Variants in TAMM41 observed in about 807,000 individuals in gnomAD.
TAMM41 encodes phosphatidate cytidylyltransferase, mitochondrial.
A neutral mutation model predicts 44.1 loss-of-function variants in TAMM41; 36 were observed. The observed-to-expected ratio is 0.82, with a 90% CI of 0.63 to 1.08. The LOEUF (loss-of-function observed/expected upper bound fraction) is 1.08, where lower values mean the gene tolerates loss of function less well. TAMM41 is among the 50% of genes least tolerant of loss of function. The pLI, the probability that TAMM41 is intolerant of heterozygous loss-of-function variation, is 0.00. For synonymous variants in TAMM41, 164 were observed against 153.1 expected (o/e 1.07, Z -0.53); for missense variants, 417 against 404.3 (o/e 1.03, Z -0.27).
chr3:11,808,509 A>G, intron 6 of TAMM41: 5 of 985,880 alleles, frequency 5.1e-6, no homozygotes, highest in Non-Finnish European at 6.0e-6. Flanking sequence ...CAGCTCATCC[A>G]CTGCAGTGCG....
In TAMM41 at chr3:11,805,124, C is replaced by T. The variant is rs150172511; in HGVS notation, c.937+2709G>A. On this transcript the variant is annotated intron_variant, in intron 7 of 7. Transcript: ENST00000455809. ...GTTCAAGCAATTCTCCTGCCTCAGC[C>T]GCTCAAAGGTGGGACTACAGGCATG... Among the ~76,000 whole-genome samples, 1,383 of 151,258 alleles carry T rather than the reference C, an allele frequency of 9.1e-3. 28 individuals carry two copies. Among genetic ancestry groups the T allele is most frequent in the African/African-American group, 0.032 (1,331 of 41,244 alleles).
the TAMM41 span, among the ~76,000 whole-genome samples, chr3:11,724,452 C>T: frequency 6.7e-6 from 1 of 149,704 alleles, no homozygotes; most frequent in South Asian, 2.1e-4. Context: ...GTCTCGCTCT[C>T]TCACCCAGGC....
chr3:11,740,754 C>A, the TAMM41 span, among the ~76,000 whole-genome samples: 2 of 151,642 alleles, frequency 1.3e-5, no homozygotes, highest in African/African-American at 2.4e-5. Flanking sequence ...TTAGTAGAGA[C>A]AGGGTTGCAC....
At chr3:11,738,183 A>T in the TAMM41 span, among the ~76,000 whole-genome samples, 2 of 152,230 alleles carry the variant, frequency 1.3e-5, no homozygotes, top group Non-Finnish European at 2.9e-5. Flanking sequence ...AAAACCATAA[A>T]TTCCTAAGAG....
chr3:11,830,371 G>T (rs2078933137), intron 3 of TAMM41, among the ~76,000 whole-genome samples: 1 of 152,144 alleles, frequency 6.6e-6, no homozygotes, highest in Admixed American at 6.6e-5. Context: ...AAAAAGAACG[G>T]GTTTTAGAGA....
the TAMM41 span, among the ~76,000 whole-genome samples, chr3:11,725,403 C>CTCTTCTTCTTCT: frequency 7.7e-6 from 1 of 129,458 alleles, no homozygotes; most frequent in African/African-American, 3.1e-5. Flanking sequence ...TTTCTTCTTC[C>CTCTTCTTCTTCT]TCTTCTTCTT....
chr3:11,724,898 A>G, the TAMM41 span: 1 of 152,170 alleles, frequency 6.6e-6, no homozygotes, highest in African/African-American at 2.4e-5. Flanking sequence ...GTTCTTTCTC[A>G]TCTCTCTGCC....
intron 7 of TAMM41, among the ~76,000 whole-genome samples, chr3:11,793,791 G>C (rs1032644610): frequency 3.9e-5 from 6 of 152,154 alleles, no homozygotes; most frequent in African/African-American, 1.4e-4. Flanking sequence ...AGTCAGGCTG[G>C]AGCTTACTCT....
At chr3:11,781,776 A>AATC in the TAMM41 span, among the ~76,000 whole-genome samples, 1 of 39,620 alleles carries the variant, frequency 2.5e-5, no homozygotes, top group African/African-American at 1.0e-4. Context: ...TAATAATAAT[A>AATC]ATAATCATAC....
intron 3 of TAMM41, chr3:11,833,158 A>G (rs1332384135): frequency 1.6e-6 from 2 of 1,285,210 alleles, no homozygotes; most frequent in East Asian, 1.1e-4. Context: ...AGGCCTGGGA[A>G]AAAAAGAAAG....
intron 4 of TAMM41, among the ~76,000 whole-genome samples, chr3:11,820,838 T>C (rs144616896): frequency 1.7e-4 from 26 of 152,342 alleles, no homozygotes; most frequent in Admixed American, 4.6e-4. Flanking sequence ...GATTTCTCCT[T>C]GACCTTGAAA....
At chr3:11,786,286 T>TTTATTATTATTATTATTA (rs60089566), downstream of TAMM41, among the ~76,000 whole-genome samples, 124 of 138,852 alleles carry the variant, frequency 8.9e-4, no homozygotes, top group Admixed American at 2.0e-3. Context: ...TTTATTTAAT[T>TTTATTATTATTATTATTA]TTATTATTAT....
At chr3:11,814,400 T>G (rs1432752888) in intron 5 of TAMM41, among the ~76,000 whole-genome samples, 3 of 151,990 alleles carry the variant, frequency 2.0e-5, no homozygotes, top group African/African-American at 7.2e-5. Context: ...AATAGGAAGC[T>G]ATAAGAAAGA....
At chr3:11,726,688 A>G in the TAMM41 span, among the ~76,000 whole-genome samples, 1 of 151,724 alleles carries the variant, frequency 6.6e-6, no homozygotes, top group East Asian at 1.9e-4. Context: ...CTGTAATCCC[A>G]GCTACTTGGG....
At chr3:11,771,601 G>A in the TAMM41 span, among the ~76,000 whole-genome samples, 7 of 152,152 alleles carry the variant, frequency 4.6e-5, no homozygotes, top group Non-Finnish European at 1.0e-4. Flanking sequence ...TTATTTTTGA[G>A]ACAGAGTTTA....
intron 4 of TAMM41, among the ~76,000 whole-genome samples, chr3:11,825,624 T>C (rs2125016728): frequency 6.6e-6 from 1 of 152,310 alleles, no homozygotes; most frequent in East Asian, 1.9e-4. Flanking sequence ...GTCTTATTCC[T>C]AGAAGTAGCT....
the TAMM41 span, among the ~76,000 whole-genome samples, chr3:11,762,194 T>A: frequency 6.6e-6 from 1 of 152,124 alleles, no homozygotes; most frequent in Non-Finnish European, 1.5e-5. Context: ...GTATAGTGGG[T>A]TTTTTTCTGT....
rs760060638 is a variant in TAMM41, at chr3:11,817,340, A to C, written c.563-3T>G. 1 of 1,604,760 alleles carries C rather than the reference A, an allele frequency of 6.2e-7. No homozygotes were observed. ...TCCAACCACCATCCGAAAGTCACCT[A>C]GTTAAAACAAAGAGATAAACACATC... On this transcript the variant is annotated splice_region_variant and splice_polypyrimidine_tract_variant and intron_variant, in intron 4 of 7. Coordinates refer to ENST00000455809, the MANE Select transcript of TAMM41 (RefSeq NM_001284401.2).
At chr3:11,747,635 G>A in the TAMM41 span, among the ~76,000 whole-genome samples, 1 of 151,528 alleles carries the variant, frequency 6.6e-6, no homozygotes, top group South Asian at 2.1e-4. Context: ...TGGGTATGGT[G>A]GTGTGCGCCT....
Sources: allele counts gnomAD v4.1 joint callset (sites outside exome capture counted in the v4.1 genomes callset), GRCh38; gene constraint gnomAD v4.1.1; transcripts MANE v1.5; gene names NCBI Gene and HGNC (gene_info 2026-07-23, HGNC 2026-07-21).